The following IFT74 variants were observed in gnomAD, a reference collection of about 807,000 sequenced individuals.
IFT74 encodes intraflagellar transport protein 74 homolog.
Under a neutral mutation model 96.7 loss-of-function variants are expected in IFT74, and 92 were observed. The observed-to-expected ratio is 0.95, with a 90% confidence interval of 0.80 to 1.13. IFT74 has a LOEUF of 1.13. Among genes scored for constraint, IFT74 ranks in the 50% most tolerant of loss-of-function variants. The pLI is 0.00. For synonymous variants in IFT74, 223 were observed against 213.2 expected (o/e 1.05, Z -0.40); for missense variants, 811 against 698.2 (o/e 1.16, Z -1.82).
In IFT74 at chr9:26,950,326, AAG is replaced by A. The variant is rs1176706420; in HGVS notation, c.-20+3182_-20+3183del. Among the ~76,000 whole-genome samples, 521 of 151,970 alleles carry A rather than the reference AAG, an allele frequency of 3.4e-3. 2 individuals carry two copies. Among genetic ancestry groups the A allele is most frequent in the Non-Finnish European group, 5.9e-3 (403 of 67,950 alleles). On this transcript the variant is annotated intron_variant, in intron 1 of 19. Transcript: ENST00000433700. ...ACTCTGTCTCAAAAAAAAAAAAAGAAAGAAAGAAAAGCAAGCTAATCAAACAA... is the reference window on the plus strand; with the variant it reads ...ACTCTGTCTCAAAAAAAAAAAAAGAAAAAGAAAAGCAAGCTAATCAAACAA...
chr9:27,033,036 A>C (rs1368877676), intron 13 of IFT74, among the ~76,000 whole-genome samples: 1 of 152,096 alleles, frequency 6.6e-6, no homozygotes, highest in East Asian at 1.9e-4. Context: ...CTCCTCATCC[A>C]AGTCTTCAGA....
chr9:27,018,098 T>TA (rs1829431853), intron 11 of IFT74, among the ~76,000 whole-genome samples: 1 of 152,200 alleles, frequency 6.6e-6, no homozygotes, highest in East Asian at 1.9e-4. Context: ...GATCTTGAGG[T>TA]ACGCCTACCA....
chr9:27,058,176 G>A (rs962858631), intron 18 of IFT74, among the ~76,000 whole-genome samples: 3 of 151,542 alleles, frequency 2.0e-5, no homozygotes, highest in African/African-American at 7.3e-5. Flanking sequence ...GCAACCTGGA[G>A]CTCCTGGACT....
intron 2 of IFT74, among the ~76,000 whole-genome samples, chr9:26,968,552 G>A (rs1212702493): frequency 1.3e-5 from 2 of 152,092 alleles, no homozygotes; most frequent in Admixed American, 6.5e-5. Flanking sequence ...GAGCCACCTC[G>A]CCCAGCCGGG....
intron 16 of IFT74, among the ~76,000 whole-genome samples, chr9:27,053,898 A>G (rs754801311): frequency 6.6e-6 from 1 of 152,194 alleles, no homozygotes; most frequent in Non-Finnish European, 1.5e-5. Context: ...TGATTCTCAT[A>G]ACTATTTCTA....
intron 9 of IFT74, among the ~76,000 whole-genome samples, chr9:27,010,760 G>T (rs1446405250): frequency 1.3e-5 from 2 of 151,984 alleles, no homozygotes; most frequent in Admixed American, 1.3e-4. Context: ...GAGCCACTGT[G>T]CCCGGCCGAG....
chr9:26,994,789 CAG>C (rs1252327811), intron 8 of IFT74: 2 of 152,530 alleles, frequency 1.3e-5, no homozygotes, highest in Admixed American at 6.5e-5. Context: ...AAAAATCTCC[CAG>C]AGAGAGGTGG....
chr9:27,021,284 C>G (rs974498357), intron 12 of IFT74, among the ~76,000 whole-genome samples: 1 of 152,098 alleles, frequency 6.6e-6, no homozygotes, highest in Non-Finnish European at 1.5e-5. Flanking sequence ...AATTGTACTG[C>G]TGTCAACATG....
At chr9:27,027,647 T>TTG in intron 12 of IFT74, among the ~76,000 whole-genome samples, 1 of 152,334 alleles carries the variant, frequency 6.6e-6, no homozygotes, top group Admixed American at 6.5e-5. Flanking sequence ...GCTCATTTTT[T>TTG]AAACTAGATT....
At chr9:26,995,748 A>G (rs748782714) in intron 8 of IFT74, 4 of 1,613,888 alleles carry the variant, frequency 2.5e-6, no homozygotes, top group South Asian at 1.1e-5. Context: ...ATATTGTACC[A>G]TATTGGGCAT....
intron 6 of IFT74, among the ~76,000 whole-genome samples, chr9:26,984,782 G>T (rs1301725569): frequency 2.0e-5 from 3 of 152,150 alleles, no homozygotes; most frequent in Admixed American, 6.6e-5. Context: ...AGTTAGAATG[G>T]CTGTTACTAA....
intron 1 of IFT74, among the ~76,000 whole-genome samples, chr9:26,951,004 C>T (rs1478107597): frequency 6.6e-6 from 1 of 151,064 alleles, no homozygotes; most frequent in African/African-American, 2.5e-5. Context: ...TGTCAACTGT[C>T]TGTCTGCATA....
At chr9:27,017,912 C>G (rs1430964667) in intron 11 of IFT74, among the ~76,000 whole-genome samples, 2 of 152,160 alleles carry the variant, frequency 1.3e-5, no homozygotes, top group African/African-American at 4.8e-5. Flanking sequence ...TGTATATGGG[C>G]ACAGCTCCAG....
chr9:26,959,916 A>C (rs17756179), intron 1 of IFT74, among the ~76,000 whole-genome samples: 1 of 152,152 alleles, frequency 6.6e-6, no homozygotes, highest in Non-Finnish European at 1.5e-5. Flanking sequence ...TCCATCAGCA[A>C]TGTTCAGCAC....
intron 4 of IFT74, among the ~76,000 whole-genome samples, chr9:26,981,918 C>T (rs1205608974): frequency 6.6e-6 from 1 of 151,690 alleles, no homozygotes; most frequent in African/African-American, 2.4e-5. Context: ...CAGGTATGCG[C>T]CACCATGCCT....
chr9:26,962,293 T>A (rs1264119415), intron 2 of IFT74, among the ~76,000 whole-genome samples: 1 of 152,240 alleles, frequency 6.6e-6, no homozygotes, highest in East Asian at 1.9e-4. Context: ...GATTCTACTT[T>A]GTTGTTTCTT....
intron 13 of IFT74, among the ~76,000 whole-genome samples, chr9:27,035,349 T>C (rs1370741148): frequency 1.3e-5 from 2 of 152,268 alleles, no homozygotes; most frequent in African/African-American, 4.8e-5. Context: ...TACTATTCTG[T>C]GGTTTTCCAA....
At chr9:27,005,705 C>G (rs1200583869) in intron 8 of IFT74, 3 of 150,592 alleles carry the variant, frequency 2.0e-5, no homozygotes, top group East Asian at 1.9e-4. Context: ...ACCTTTGTAC[C>G]CAGTGAACAG....
Position 27,047,077 on chromosome 9 carries a change from G to C in IFT74, c.1109-197G>C, listed in dbSNP as rs187820460. Among the ~76,000 whole-genome samples the C allele has an allele frequency of 3.7e-3, 556 of 152,260 alleles. 2 individuals carry two copies. The highest frequency in any genetic ancestry group is 0.014 in the Middle Eastern group (4 of 294). On this transcript the variant is annotated intron_variant, in intron 14 of 19. Coordinates refer to ENST00000380062, the MANE Select transcript of IFT74 (RefSeq NM_025103.4). ...AGTCCCAGCTACTCAGGAGGCTGAG[G>C]CAGGAGAATCCCTTGAACCCAGAGG...
Sources: allele counts gnomAD v4.1 joint callset (sites outside exome capture counted in the v4.1 genomes callset), GRCh38; gene constraint gnomAD v4.1.1; transcripts MANE v1.5; gene names NCBI Gene and HGNC (gene_info 2026-07-23, HGNC 2026-07-21).